Variants in PIK3R5 observed in about 807,000 individuals in gnomAD.
The protein encoded by PIK3R5 is phosphoinositide 3-kinase regulatory subunit 5.
A neutral mutation model predicts 94.9 loss-of-function variants in PIK3R5; 32 were observed. The ratio of observed to expected loss-of-function variants is 0.34; its 90% CI spans 0.25 to 0.45. The LOEUF (loss-of-function observed/expected upper bound fraction) is 0.45. Ranked by LOEUF, PIK3R5 falls within the 20% of genes least tolerant of loss-of-function variation. The pLI is 1.00. For synonymous variants in PIK3R5, 443 were observed against 479.4 expected (o/e 0.92, Z 0.99); for missense variants, 853 against 1,144.6 (o/e 0.75, Z 3.68).
chr17:8,894,901 T>TA (rs2090117189), intron 5 of PIK3R5, among the ~76,000 whole-genome samples: 1 of 152,114 alleles, frequency 6.6e-6, no homozygotes, highest in African/African-American at 2.4e-5. Context: ...GGTTGGGGTT[T>TA]AAAGACAGCT....
Position 8,888,682 on chromosome 17 carries a change from GC to G in PIK3R5, c.1104del (p.Pro369ArgfsTer8). The part of the protein sequence containing the change: ...TLSLASSQAS[G>X]PALSRHLLTS... The stretch of plus-strand genomic sequence containing the variant: ...GTCAGCAGATGGCGCGAGAGGGCCG[GC>G]CCCGAGGCCTGGGAGGATGCAAGGG... On this transcript the variant is annotated frameshift_variant, in exon 10 of 19. Transcript: ENST00000447110. LOFTEE classifies it high-confidence loss of function. The surrounding 1 kb of genome is among the most constrained non-coding windows in gnomAD (Gnocchi z 7.8). 6.2e-7 allele frequency: 1 copy of G among 1,613,936 alleles called. No individual in the cohort carries two copies. Among genetic ancestry groups the G allele is most frequent in the South Asian group, 1.1e-5 (1 of 91,088 alleles).
At chr17:8,919,888 CTTTTTTTTTTT>C (rs11290606) in intron 1 of PIK3R5, among the ~76,000 whole-genome samples, 4 of 107,622 alleles carry the variant, frequency 3.7e-5, no homozygotes, top group South Asian at 2.9e-4. Flanking sequence ...CTTTTTCCTT[CTTTTTTTTTTT>C]TTTTTTTTTG....
At chr17:8,934,620 G>T (rs1479661542) in intron 1 of PIK3R5, among the ~76,000 whole-genome samples, 2 of 152,162 alleles carry the variant, frequency 1.3e-5, no homozygotes, top group Non-Finnish European at 2.9e-5. Context: ...TTGGGAAAAG[G>T]ACAAAGTTGG....
intron 1 of PIK3R5, among the ~76,000 whole-genome samples, chr17:8,961,035 T>C (rs1415074711): frequency 6.6e-6 from 1 of 152,014 alleles, no homozygotes; most frequent in East Asian, 1.9e-4. Flanking sequence ...CGGTCAGTGC[T>C]ATGGTGCGAA....
At chr17:8,950,713 T>G (rs1013448147) in intron 1 of PIK3R5, among the ~76,000 whole-genome samples, 9 of 152,222 alleles carry the variant, frequency 5.9e-5, no homozygotes, top group Admixed American at 5.9e-4. Context: ...GGCACCTAGG[T>G]TGATTCCATG....
Position 8,925,111 on chromosome 17 carries a change from G to C in PIK3R5, c.-13-13604C>G, listed in dbSNP as rs1046921209. Among the ~76,000 whole-genome samples, 4 of 150,614 alleles carry C rather than the reference G, an allele frequency of 2.7e-5. No homozygotes were observed. The highest frequency in any genetic ancestry group is 1.0e-4 in the African/African-American group (4 of 39,986). On this transcript the variant is annotated intron_variant, in intron 1 of 18. Transcript: ENST00000447110. This position sits in a 1 kb window ranked among gnomAD's most constrained non-coding sequence, Gnocchi z 5.1. ...TGGATAGATAGAAAGTAGATGGATA[G>C]ATAGATAGTAGATGGATAGATAGAT...
intron 1 of PIK3R5, among the ~76,000 whole-genome samples, chr17:8,921,085 C>T (rs141056087): frequency 0.026 from 3,935 of 152,198 alleles, 170 homozygotes; most frequent in African/African-American, 0.089. Flanking sequence ...AGGTGATCCA[C>T]CCGCCTCAGC....
intron 1 of PIK3R5, among the ~76,000 whole-genome samples, chr17:8,960,158 G>A (rs1346547937): frequency 6.6e-6 from 1 of 152,166 alleles, no homozygotes; most frequent in African/African-American, 2.4e-5. Flanking sequence ...ACAGGAGAGG[G>A]AGCCCACATA....
rs187010448 is a variant in PIK3R5 at position 8,890,686 on chromosome 17, G to A, written c.657+52C>T. On this transcript the variant is annotated intron_variant, in intron 7 of 18. Coordinates refer to ENST00000447110, the MANE Select transcript of PIK3R5 (RefSeq NM_001142633.3). The surrounding 1 kb of genome is among the most constrained non-coding windows in gnomAD (Gnocchi z 6.1). ...GGCTGAGATGAAGCAGGGAGAGGGT[G>A]CTACCTCCTCAGAGAGGTGCTCCAC... The A allele has an allele frequency of 1.7e-4, 250 of 1,486,516 alleles. No homozygotes were observed. Among genetic ancestry groups the A allele is most frequent in the Non-Finnish European group, 2.0e-4 (223 of 1,090,640 alleles). 92.1% of individuals were successfully genotyped at this position (1,486,516 alleles called of 1,614,324 possible). A position where few individuals can be genotyped will look rare whatever the true frequency, so the allele number is the denominator to read the frequency against.
chr17:8,944,731 C>A (rs4791771), intron 1 of PIK3R5, among the ~76,000 whole-genome samples: 1 of 151,954 alleles, frequency 6.6e-6, no homozygotes, highest in African/African-American at 2.4e-5. Flanking sequence ...GTGATCCTAA[C>A]GGAAGTACCA....
chr17:8,913,434 C>T (rs1031099964), intron 1 of PIK3R5, among the ~76,000 whole-genome samples: 27 of 152,310 alleles, frequency 1.8e-4, no homozygotes, highest in Admixed American at 1.1e-3. Context: ...TGGCTGGGTG[C>T]GGTGGCTCAT....
Position 8,888,364 on chromosome 17 carries a change from G to T in PIK3R5, c.1423C>A (p.Arg475Ser), listed in dbSNP as rs768745301. ...TTGGGCTGGGGCAGGGAGCGGGAGCGCTGGGCCCGGGAAGGGGGTGATACT... is the reference window on the plus strand; with the variant it reads ...TTGGGCTGGGGCAGGGAGCGGGAGCTCTGGGCCCGGGAAGGGGGTGATACT... ...EPVSPPSRAQ[R>S]SRSLPQPKLG... is the part of the protein sequence containing the mutation. Residue 475 changes from arginine to serine, a missense_variant, in exon 10 of 19, where the codon CGC becomes AGC. Transcript: ENST00000447110. The surrounding 1 kb of genome is among the most constrained non-coding windows in gnomAD (Gnocchi z 7.8). 3.2e-5 allele frequency: 51 copies of T among 1,609,614 alleles called. No homozygotes were observed. Among genetic ancestry groups the T allele is most frequent in the Non-Finnish European group, 4.0e-5 (47 of 1,178,992 alleles).
At chr17:8,932,291 T>C (rs2091000168) in intron 1 of PIK3R5, among the ~76,000 whole-genome samples, 1 of 152,070 alleles carries the variant, frequency 6.6e-6, no homozygotes, top group Non-Finnish European at 1.5e-5. Flanking sequence ...TGGAGTGCAG[T>C]GGCGTGATCT....
intron 1 of PIK3R5, among the ~76,000 whole-genome samples, chr17:8,948,051 AAAAAAAAAAAAAAAAG>A (rs2091307926): frequency 1.3e-5 from 2 of 149,566 alleles, no homozygotes; most frequent in African/African-American, 4.9e-5. Context: ...TTAAAAAAAA[AAAAAAAAAAAAAAAAG>A]AAAAGAAAAG....
rs2151400739 is a variant in PIK3R5 at position 8,905,309 on chromosome 17, C to A, written c.273+360G>T. 5.6e-5 allele frequency among the ~76,000 whole-genome samples: 3 copies of A among 53,474 alleles called. No individual in the cohort carries two copies. In the East Asian group the frequency reaches 9.1e-4, roughly 16 times the overall value. The allele number at this position is 53,474 out of a possible 152,430, so 35.1% of individuals were successfully genotyped here. On this transcript the variant is annotated intron_variant, in intron 4 of 18. Coordinates refer to ENST00000447110, the MANE Select transcript of PIK3R5 (RefSeq NM_001142633.3). ...TTTGAGGATGGATTCAGTCAGTGTA[C>A]ACATTTGATGCCCCCCTGTCTGGTG...
chr17:8,943,492 G>T (rs1320332333), intron 1 of PIK3R5, among the ~76,000 whole-genome samples: 1 of 152,188 alleles, frequency 6.6e-6, no homozygotes, highest in African/African-American at 2.4e-5. Flanking sequence ...GACATTCTTG[G>T]CTGGGCGCGG....
At chr17:8,949,409 T>A (rs1011893166) in intron 1 of PIK3R5, among the ~76,000 whole-genome samples, 2 of 152,136 alleles carry the variant, frequency 1.3e-5, no homozygotes, top group Admixed American at 6.6e-5. Flanking sequence ...AGTTTAGGAT[T>A]GCAGAAGAGA....
At chr17:8,960,579 C>A (rs2091545863) in intron 1 of PIK3R5, among the ~76,000 whole-genome samples, 1 of 152,182 alleles carries the variant, frequency 6.6e-6, no homozygotes, top group East Asian at 1.9e-4. Flanking sequence ...TAGGCAGGGG[C>A]CACATAAAGC....
chr17:8,915,429 A>G (rs2090610700), intron 1 of PIK3R5, among the ~76,000 whole-genome samples: 1 of 150,428 alleles, frequency 6.6e-6, no homozygotes, highest in Admixed American at 6.6e-5. Context: ...AAAAAAAAAA[A>G]GAAAATCTAG....
Sources: gnomAD v4.1 joint callset for allele counts (sites outside exome capture counted in the v4.1 genomes callset) on GRCh38, gnomAD v4.1.1 for gene constraint, Gnocchi (gnomAD v3.1) non-coding constraint, MANE v1.5 for transcripts, NCBI Gene and HGNC (gene_info 2026-07-23, HGNC 2026-07-21) for gene names.